PCDHGA1: variants seen among roughly 807,000 people sequenced by gnomAD.
PCDHGA1 encodes the protein protocadherin gamma subfamily A, 1, also known as protocadherin gamma-A1.
A neutral mutation model predicts 58.0 loss-of-function variants in PCDHGA1; 32 were observed. The ratio of observed to expected loss-of-function variants is 0.55; its 90% CI spans 0.42 to 0.74. PCDHGA1 has a LOEUF of 0.74. PCDHGA1 is among the 30% of genes least tolerant of loss of function. The pLI is 0.00. For synonymous variants in PCDHGA1, 498 were observed against 501.1 expected, an observed-to-expected ratio of 0.99 and a Z score of 0.08; for missense variants, 1,205 against 1,182.3, an observed-to-expected ratio of 1.02 and a Z score of -0.28.
chr5:141,332,526 G>A lies in PCDHGA1; in HGVS notation c.1842G>A (p.Pro614=), dbSNP rs759159466. The A allele has an allele frequency of 4.3e-6, 7 of 1,612,806 alleles. No individual in the cohort carries two copies. In the Admixed American group the frequency reaches 6.7e-5, roughly 15 times the overall value. Residue 614 remains proline (P), a synonymous_variant, in exon 1 of 4, where the codon CCG becomes CCA. Transcript: ENST00000517417. This position sits in a 1 kb window ranked among gnomAD's most constrained non-coding sequence, Gnocchi z 4.6. ...ACCGCCTGCTCAAGGCCAGCGAGCC[G>A]GGACTCTTCTCGGTGGGTCTGCACA... The part of the protein sequence containing the change: ...LSYRLLKASE[P]GLFSVGLHTG...
intron 1 of PCDHGA1, among the ~76,000 whole-genome samples, chr5:141,445,609 T>A (rs900534761): frequency 1.3e-5 from 2 of 152,220 alleles, no homozygotes; most frequent in African/African-American, 4.8e-5. Flanking sequence ...CAAGGAAGGC[T>A]TTCTTTTTTT....
chr5:141,349,794 T>G (rs1381882948), intron 1 of PCDHGA1, among the ~76,000 whole-genome samples: 1 of 152,176 alleles, frequency 6.6e-6, no homozygotes, highest in East Asian at 1.9e-4. Flanking sequence ...ACTGAAGATT[T>G]TTTTTTACCC....
In PCDHGA1 at chr5:141,410,693, A is replaced by AT. The variant is rs774266569; in HGVS notation, c.2421+77592dup. On this transcript the variant is annotated intron_variant, in intron 1 of 3. Coordinates refer to ENST00000517417, the MANE Select transcript of PCDHGA1 (RefSeq NM_018912.3). ...TCTCATATTTTAGGCATACTACTTT[A>AT]TTTTCATATCTAGAATCATATGTTT... The AT allele has an allele frequency of 1.1e-5, 17 of 1,496,786 alleles. No homozygotes were observed. In the Admixed American group the frequency reaches 3.7e-4, roughly 33 times the overall value. The allele number at this position is 1,496,786 out of a possible 1,614,324, so 92.7% of individuals were successfully genotyped here.
intron 1 of PCDHGA1, chr5:141,394,386 A>T (rs765454423): frequency 1.2e-6 from 2 of 1,614,210 alleles, no homozygotes; most frequent in South Asian, 1.1e-5. Context: ...CTATGAGCAG[A>T]TCCGAGACCT....
rs749415234 is a variant in PCDHGA1 at position 141,419,462 on chromosome 5, C to G, written c.2422-75345C>G. 9 of 1,612,582 alleles carry G rather than the reference C, an allele frequency of 5.6e-6. 1 individual carries two copies. The highest frequency in any genetic ancestry group is 1.7e-5 in the Admixed American group (1 of 59,984). On this transcript the variant is annotated intron_variant, in intron 1 of 3. Transcript: ENST00000517417. ...CACCTTCGAGCTCACGCTGCAGGCC[C>G]GCGACCAGGGCTCGCCCGCGCTCAG... is the stretch of plus-strand genomic sequence containing the variant.
chr5:141,477,087 C>A lies in PCDHGA1; in HGVS notation c.2422-17720C>A, dbSNP rs748424193. 14 of 1,614,244 alleles carry A rather than the reference C, an allele frequency of 8.7e-6. No individual in the cohort carries two copies. Among genetic ancestry groups the A allele is most frequent in the Non-Finnish European group, 8.5e-7 (1 of 1,180,048 alleles). On this transcript the variant is annotated intron_variant, in intron 1 of 3. Transcript: ENST00000517417. This position sits in a 1 kb window ranked among gnomAD's most constrained non-coding sequence, Gnocchi z 4.9. ...AAACTCCATGAGATTTACATCCAGG[C>A]CAAAGACAAGGGCGCCAATCCCGAA...
chr5:141,347,946 T>C (rs753265899), intron 1 of PCDHGA1, among the ~76,000 whole-genome samples: 4 of 152,228 alleles, frequency 2.6e-5, no homozygotes, highest in Non-Finnish European at 4.4e-5. Context: ...CTTGGAGTGG[T>C]ATTTCTTGTC....
At chr5:141,337,439 C>T (rs1357682312) in intron 1 of PCDHGA1, among the ~76,000 whole-genome samples, 2 of 152,126 alleles carry the variant, frequency 1.3e-5, no homozygotes, top group Non-Finnish European at 2.9e-5. Context: ...GTTATTTAGC[C>T]TTAAAAAGGA....
At chr5:141,342,470 A>G (rs1257369275) in intron 1 of PCDHGA1, 1 of 152,186 alleles carries the variant, frequency 6.6e-6, no homozygotes, top group Non-Finnish European at 1.5e-5. Context: ...ATTATCATGT[A>G]CCAATTGAGC....
At chr5:141,415,063 G>A (rs569362520) in intron 1 of PCDHGA1, 3 of 1,613,432 alleles carry the variant, frequency 1.9e-6, no homozygotes, top group Admixed American at 1.7e-5. Flanking sequence ...CACGGGCGAG[G>A]TGCGCACGGC....
At chr5:141,401,532 A>G (rs1461153273) in intron 1 of PCDHGA1, among the ~76,000 whole-genome samples, 2 of 152,260 alleles carry the variant, frequency 1.3e-5, no homozygotes, top group Non-Finnish European at 2.9e-5. Context: ...GAAGAAACTT[A>G]CAAAAAAAAG....
chr5:141,351,862 C>T (rs150984625), intron 1 of PCDHGA1: 33 of 1,613,236 alleles, frequency 2.0e-5, no homozygotes, highest in South Asian at 3.3e-5. Context: ...GGGACCAGGG[C>T]TCCCCCGCGC....
rs887814386 is a variant in PCDHGA1, at chr5:141,431,347, G to A, written c.2422-63460G>A. The A allele has an allele frequency of 1.9e-6, 3 of 1,614,098 alleles. No individual in the cohort carries two copies. The highest frequency in any genetic ancestry group is 2.5e-6 in the Non-Finnish European group (3 of 1,180,036). On this transcript the variant is annotated intron_variant, in intron 1 of 3. Coordinates refer to ENST00000517417, the MANE Select transcript of PCDHGA1 (RefSeq NM_018912.3). This position sits in a 1 kb window ranked among gnomAD's most constrained non-coding sequence, Gnocchi z 4.8. ...GTAGTAAGTACCCCGAATTGGTGCT[G>A]AAACGCGCCCTGGACCGCGAAGAAA...
At chr5:141,339,063 T>TTCGC (rs1756804698) in intron 1 of PCDHGA1, 1 of 1,612,714 alleles carries the variant, frequency 6.2e-7, no homozygotes, top group Admixed American at 1.7e-5. Flanking sequence ...GCCGGGCAGA[T>TTCGC]TCGCTATTCT....
intron 1 of PCDHGA1, chr5:141,371,904 T>C: frequency 2.5e-6 from 4 of 1,613,398 alleles, no homozygotes; most frequent in Non-Finnish European, 3.4e-6. Flanking sequence ...GCTGTCGTCC[T>C]ACGTGTCCGT....
intron 1 of PCDHGA1, chr5:141,361,002 A>T (rs1235404407): frequency 6.2e-7 from 1 of 1,613,380 alleles, no homozygotes; most frequent in African/African-American, 1.3e-5. Context: ...AACAAGTGAA[A>T]CACTTTTTCA....
At chr5:141,371,418 G>T in intron 1 of PCDHGA1, 1 of 1,614,006 alleles carries the variant, frequency 6.2e-7, no homozygotes. Flanking sequence ...AGATGAAAAT[G>T]ACAATGCCCC....
At position 141,486,418 on chromosome 5, in the gene PCDHGA1, A is replaced by G. The variant is rs1174910867; in HGVS notation, c.2422-8389A>G. On this transcript the variant is annotated intron_variant, in intron 1 of 3. Transcript: ENST00000517417. This position sits in a 1 kb window ranked among gnomAD's most constrained non-coding sequence, Gnocchi z 5.0. ...TGGTGACTGCTGGACCCTTGGATCG[A>G]GAGGCCAAATCTAGCTATGACATCA... is the stretch of plus-strand genomic sequence containing the variant. The G allele has an allele frequency of 3.7e-6, 6 of 1,614,176 alleles. No individual in the cohort carries two copies. Among genetic ancestry groups the G allele is most frequent in the Non-Finnish European group, 5.1e-6 (6 of 1,180,020 alleles).
intron 1 of PCDHGA1, among the ~76,000 whole-genome samples, chr5:141,458,988 C>G (rs996478276): frequency 6.6e-6 from 1 of 152,208 alleles, no homozygotes; most frequent in African/African-American, 2.4e-5. Flanking sequence ...CTGCCTCACC[C>G]TCCCAAAGTG....
Sources: allele counts gnomAD v4.1 joint callset (sites outside exome capture counted in the v4.1 genomes callset), GRCh38; gene constraint gnomAD v4.1.1; non-coding constraint Gnocchi (gnomAD v3.1); transcripts MANE v1.5; gene names NCBI Gene and HGNC (gene_info 2026-07-23, HGNC 2026-07-21).